SPINK1: variants seen among roughly 807,000 people sequenced by gnomAD.
SPINK1 encodes the protein serine peptidase inhibitor Kazal type 1.
Under a neutral mutation model 9.5 loss-of-function variants are expected in SPINK1, and 5 were observed. The ratio of observed to expected loss-of-function variants is 0.52; its 90% CI spans 0.27 to 1.10. The LOEUF (loss-of-function observed/expected upper bound fraction) is 1.10. SPINK1 is among the 50% of genes least tolerant of loss of function. SPINK1 has a pLI of 0.11. For missense variants in SPINK1, 88 were observed against 92.7 expected (o/e 0.95, Z 0.21); for synonymous variants, 37 against 32.3 (o/e 1.14, Z -0.49).
the SPINK1 span, among the ~76,000 whole-genome samples, chr5:147,837,227 C>A: frequency 6.6e-6 from 1 of 152,164 alleles, no homozygotes; most frequent in Non-Finnish European, 1.5e-5. Flanking sequence ...ACCAATAATT[C>A]TTCTGCAAAA....
chr5:147,832,149 A>G (rs772115695), upstream of SPINK1, among the ~76,000 whole-genome samples: 10 of 152,064 alleles, frequency 6.6e-5, no homozygotes, highest in Non-Finnish European at 1.3e-4. Flanking sequence ...AAGAGAAAGC[A>G]AGAGAGAGAG....
chr5:147,835,288 ATAT>A (rs1342816938), upstream of SPINK1, among the ~76,000 whole-genome samples: 5 of 152,132 alleles, frequency 3.3e-5, no homozygotes, highest in African/African-American at 1.2e-4. Context: ...TTGTGCAAAA[ATAT>A]TATTCCTCAC....
At chr5:147,829,429 C>T (rs986952148) in intron 2 of SPINK1, among the ~76,000 whole-genome samples, 170 bp downstream of exon 2, 2 of 152,166 alleles carry the variant, frequency 1.3e-5, no homozygotes, top group African/African-American at 2.4e-5. Flanking sequence ...CTTCAATATA[C>T]GCCTGTGGGT....
upstream of SPINK1, among the ~76,000 whole-genome samples, chr5:147,836,028 T>G (rs552702039): frequency 1.5e-4 from 23 of 152,180 alleles, no homozygotes; most frequent in Admixed American, 5.2e-4. Context: ...TAGGAAAGAT[T>G]TACTCACTTT....
upstream of SPINK1, among the ~76,000 whole-genome samples, chr5:147,836,230 C>T (rs540740813): frequency 6.6e-6 from 1 of 151,854 alleles, no homozygotes; most frequent in African/African-American, 2.4e-5. Flanking sequence ...AGAAAGGAAA[C>T]TGAAGCACAG....
chr5:147,831,711 C>T (rs1348869358), upstream of SPINK1: 1 of 1,522,616 alleles, frequency 6.6e-7, no homozygotes, highest in Non-Finnish European at 8.8e-7. Context: ...TCACAGATCT[C>T]CCTGGTTATT....
At chr5:147,829,725 C>A in intron 1 of SPINK1, 95 bp from the exon 2 acceptor site, 3 of 1,114,022 alleles carry the variant, frequency 2.7e-6, no homozygotes, top group African/African-American at 3.1e-5. Context: ...CAGACTGTGA[C>A]TTCTTTACTA....
rs1189643374 is a variant in SPINK1 at position 147,824,825 on chromosome 5, TATA to T, written c.195-122_195-120del. ...TTTAAAGTTGGAGAGGTTTGAGATT[TATA>T]ATCTTTTCTCTGTCTTTCATTCATT... On this transcript the variant is annotated intron_variant, in intron 3 of 3. Transcript: ENST00000296695. The T allele has an allele frequency of 5.8e-6, 5 of 867,674 alleles. No homozygotes were observed. The African/African-American group carries it at 8.5e-5, about 15-fold the overall frequency. The allele number at this position is 867,674 out of a possible 1,614,324, so 53.7% of individuals were successfully genotyped here.
the SPINK1 span, among the ~76,000 whole-genome samples, chr5:147,837,700 T>G: frequency 6.7e-6 from 1 of 149,544 alleles, no homozygotes; most frequent in East Asian, 2.0e-4. Flanking sequence ...TTTCTTTCTT[T>G]CTTTCTTTCT....
At chr5:147,824,850 C>A in intron 3 of SPINK1, 144 bp from the exon 4 acceptor site, 2 of 732,064 alleles carry the variant, frequency 2.7e-6, no homozygotes, top group African/African-American at 1.8e-5. Context: ...GTCTTTCATT[C>A]ATTTATACAT....
At chr5:147,827,815 T>G in intron 3 of SPINK1, 1 of 464,776 alleles carries the variant, frequency 2.2e-6, no homozygotes, top group South Asian at 3.3e-5. Flanking sequence ...TATTTTGCTG[T>G]AAAAAATATA....
At chr5:147,833,762 T>G (rs1343175840), upstream of SPINK1, among the ~76,000 whole-genome samples, 3 of 152,188 alleles carry the variant, frequency 2.0e-5, no homozygotes, top group African/African-American at 7.2e-5. Flanking sequence ...CTTTATGGAC[T>G]GCAAATTTGA....
At chr5:147,834,904 ATG>A (rs781764461), upstream of SPINK1, among the ~76,000 whole-genome samples, 1 of 152,260 alleles carries the variant, frequency 6.6e-6, no homozygotes, top group East Asian at 1.9e-4. Context: ...GTCTTATTAT[ATG>A]TGAGGACTCT....
At chr5:147,834,576 C>A (rs377387416), upstream of SPINK1, among the ~76,000 whole-genome samples, 2 of 152,034 alleles carry the variant, frequency 1.3e-5, no homozygotes, top group African/African-American at 4.8e-5. Flanking sequence ...GTTTTGTGAC[C>A]AGTAAGAAAC....
At chr5:147,837,047 T>G in the SPINK1 span, among the ~76,000 whole-genome samples, 3 of 152,214 alleles carry the variant, frequency 2.0e-5, no homozygotes, top group African/African-American at 7.2e-5. Context: ...TATGTGTAAC[T>G]TTGAGCTAAA....
chr5:147,833,209 C>T (rs547447164), upstream of SPINK1, among the ~76,000 whole-genome samples: 1 of 152,212 alleles, frequency 6.6e-6, no homozygotes, highest in African/African-American at 2.4e-5. Flanking sequence ...GTTTGAGAAA[C>T]ATCCAGGAGG....
At chr5:147,831,264 C>T (rs1260382913) in intron 1 of SPINK1, among the ~76,000 whole-genome samples, 3 of 152,104 alleles carry the variant, frequency 2.0e-5, no homozygotes, top group Admixed American at 2.0e-4. Flanking sequence ...TCTACCATAT[C>T]CCAACAAAGG....
At chr5:147,833,899 C>G (rs974538839), upstream of SPINK1, among the ~76,000 whole-genome samples, 3 of 152,134 alleles carry the variant, frequency 2.0e-5, no homozygotes, top group Non-Finnish European at 4.4e-5. Flanking sequence ...CATTTCCTTG[C>G]TACGTTGGTC....
At chr5:147,836,296 T>TTGTGTGTGTGTGTG (rs58122057), upstream of SPINK1, among the ~76,000 whole-genome samples, 727 of 146,528 alleles carry the variant, frequency 5.0e-3, 12 homozygotes, top group African/African-American at 0.018. Context: ...ATTTACTGAT[T>TTGTGTGTGTGTGTG]TGTGTGTGTG....
Sources: allele counts gnomAD v4.1 joint callset (sites outside exome capture counted in the v4.1 genomes callset), GRCh38; gene constraint gnomAD v4.1.1; transcripts MANE v1.5; gene names NCBI Gene and HGNC (gene_info 2026-07-23, HGNC 2026-07-21).